Variants in PLGRKT observed in about 807,000 individuals in gnomAD.
PLGRKT encodes the protein plasminogen receptor with a C-terminal lysine.
A neutral mutation model predicts 18.5 loss-of-function variants in PLGRKT; 22 were observed. The ratio of observed to expected loss-of-function variants is 1.19; its 90% CI spans 0.85 to 1.70. PLGRKT has a LOEUF of 1.70. PLGRKT is among the 40% of genes most tolerant of loss of function. The pLI is 0.00. For missense variants in PLGRKT, 235 were observed against 174.4 expected (o/e 1.35, Z -1.96); for synonymous variants, 72 against 52.8 (o/e 1.36, Z -1.58).
intron 5 of PLGRKT, among the ~76,000 whole-genome samples, chr9:5,360,613 T>C (rs1393451377): frequency 6.6e-6 from 1 of 152,086 alleles, no homozygotes; most frequent in Non-Finnish European, 1.5e-5. Flanking sequence ...AGGCTACCAA[T>C]GGGATGTCAC....
chr9:5,386,120 A>ATG (rs1173560213), intron 3 of PLGRKT, among the ~76,000 whole-genome samples: 2 of 151,870 alleles, frequency 1.3e-5, no homozygotes, highest in Non-Finnish European at 2.9e-5. Context: ...GTTACCATTG[A>ATG]TGTCAGTAAG....
chr9:5,435,615 G>A (rs1179585113), intron 2 of PLGRKT, among the ~76,000 whole-genome samples: 3 of 152,228 alleles, frequency 2.0e-5, no homozygotes, highest in East Asian at 3.8e-4. Flanking sequence ...TAAGTGGGCT[G>A]TCAACTCTAC....
At chr9:5,431,813 C>G (rs1171136270) in intron 3 of PLGRKT, 84 bp downstream of exon 3, 2 of 687,386 alleles carry the variant, frequency 2.9e-6, no homozygotes, top group Non-Finnish European at 5.3e-6. Context: ...TGTTGGGAGT[C>G]AAAGAGAATG....
intron 3 of PLGRKT, among the ~76,000 whole-genome samples, chr9:5,414,533 T>A (rs890888315): frequency 1.3e-5 from 2 of 152,188 alleles, no homozygotes; most frequent in Non-Finnish European, 2.9e-5. Context: ...GCACTATAAT[T>A]AATTAAAACC....
intron 3 of PLGRKT, among the ~76,000 whole-genome samples, chr9:5,377,916 T>G (rs1459415722): frequency 6.6e-6 from 1 of 152,040 alleles, no homozygotes; most frequent in South Asian, 2.1e-4. Flanking sequence ...AAAGAAAAAA[T>G]AGAAGGCAGT....
chr9:5,406,779 G>A (rs920447941), intron 3 of PLGRKT, among the ~76,000 whole-genome samples: 4 of 152,062 alleles, frequency 2.6e-5, no homozygotes, highest in Non-Finnish European at 5.9e-5. Context: ...CTACATATTG[G>A]CTACGACACA....
chr9:5,394,624 G>T (rs1040758011), intron 3 of PLGRKT, among the ~76,000 whole-genome samples: 1 of 151,750 alleles, frequency 6.6e-6, no homozygotes, highest in South Asian at 2.1e-4. Context: ...TGTTGGTCAG[G>T]CTGGTCTCAA....
intron 3 of PLGRKT, among the ~76,000 whole-genome samples, chr9:5,416,764 G>A (rs1277362521): frequency 6.6e-6 from 1 of 152,188 alleles, no homozygotes; most frequent in African/African-American, 2.4e-5. Flanking sequence ...CCCATTGTTT[G>A]CATGGAAGGG....
chr9:5,424,182 A>T (rs922596191), intron 3 of PLGRKT, among the ~76,000 whole-genome samples: 5 of 138,744 alleles, frequency 3.6e-5, no homozygotes, highest in Admixed American at 7.7e-5. Flanking sequence ...ATAGTAATAG[A>T]TGTAATATGT....
chr9:5,401,286 G>A (rs907596834), intron 3 of PLGRKT, among the ~76,000 whole-genome samples: 2 of 138,450 alleles, frequency 1.4e-5, no homozygotes, highest in African/African-American at 5.9e-5. Flanking sequence ...TTTAAATATA[G>A]GACGGGCTAG....
At chr9:5,393,065 C>T (rs574120384) in intron 3 of PLGRKT, among the ~76,000 whole-genome samples, 154 of 151,864 alleles carry the variant, frequency 1.0e-3, no homozygotes, top group Non-Finnish European at 2.0e-3. Context: ...TGGTCTCAAA[C>T]TTCTGACCTC....
intron 3 of PLGRKT, among the ~76,000 whole-genome samples, chr9:5,414,342 T>C (rs1222802351): frequency 6.6e-6 from 1 of 152,194 alleles, no homozygotes; most frequent in Non-Finnish European, 1.5e-5. Flanking sequence ...AATTTTTGTA[T>C]TTTTAGTAGA....
Position 5,418,566 on chromosome 9 carries a change from T to C in PLGRKT, c.81+13331A>G. Reference sequence around the variant, plus strand: ...GAGCCCTGCCTTGCAGAGGCTGCTGTCCAGCAGGGATGGTCACCACAGTGA... The same window carrying C: ...GAGCCCTGCCTTGCAGAGGCTGCTGCCCAGCAGGGATGGTCACCACAGTGA... On this transcript the variant is annotated intron_variant, in intron 3 of 5. Transcript: ENST00000223864. The surrounding 1 kb of genome is among the most constrained non-coding windows in gnomAD (Gnocchi z 4.2). 2 of 789,680 alleles carry C rather than the reference T, an allele frequency of 2.5e-6. No individual in the cohort carries two copies. Among genetic ancestry groups the C allele is most frequent in the Non-Finnish European group, 4.5e-6 (2 of 440,034 alleles). The allele number at this position is 789,680 out of a possible 1,614,324, so 48.9% of individuals were successfully genotyped here.
chr9:5,385,826 C>T (rs1267055997), intron 3 of PLGRKT, among the ~76,000 whole-genome samples: 3 of 151,824 alleles, frequency 2.0e-5, no homozygotes, highest in African/African-American at 7.3e-5. Context: ...AATATATTTC[C>T]TAGGATGTTT....
intron 3 of PLGRKT, among the ~76,000 whole-genome samples, chr9:5,412,663 G>A (rs371021416): frequency 2.6e-5 from 4 of 152,132 alleles, no homozygotes; most frequent in Non-Finnish European, 2.9e-5. Context: ...AACAGAAAAT[G>A]AACGAAGACA....
chr9:5,396,860 A>G (rs1818059664), intron 3 of PLGRKT, among the ~76,000 whole-genome samples: 1 of 152,000 alleles, frequency 6.6e-6, no homozygotes, highest in Non-Finnish European at 1.5e-5. Context: ...CAAAGACTGG[A>G]ACAATTTATC....
At chr9:5,420,460 G>C (rs1818553595) in intron 3 of PLGRKT, among the ~76,000 whole-genome samples, 1 of 152,144 alleles carries the variant, frequency 6.6e-6, no homozygotes, top group South Asian at 2.1e-4. Context: ...TTCAGATGAG[G>C]AACATGGGGA....
At chr9:5,435,084 C>A (rs1818933383) in intron 2 of PLGRKT, among the ~76,000 whole-genome samples, 1 of 151,726 alleles carries the variant, frequency 6.6e-6, no homozygotes, top group African/African-American at 2.4e-5. Context: ...AAGGGTGGTG[C>A]AAGATGTGCT....
chr9:5,432,034 C>G (rs1818837908), intron 2 of PLGRKT, 51 bp from the exon 3 acceptor site: 1 of 784,714 alleles, frequency 1.3e-6, no homozygotes, highest in African/African-American at 1.7e-5. Context: ...TACATGCATT[C>G]TTGTATGCTC....
Sources: gnomAD v4.1 joint callset for allele counts (sites outside exome capture counted in the v4.1 genomes callset) on GRCh38, gnomAD v4.1.1 for gene constraint, Gnocchi (gnomAD v3.1) non-coding constraint, MANE v1.5 for transcripts, NCBI Gene and HGNC (gene_info 2026-07-23, HGNC 2026-07-21) for gene names.